The following LRMDA variants were observed in gnomAD, a reference collection of about 807,000 sequenced individuals.
LRMDA encodes leucine-rich melanocyte differentiation-associated protein.
LRMDA carries 18 observed loss-of-function variants against 29.8 expected under a neutral mutation model. The observed-to-expected ratio is 0.60, with a 90% CI of 0.42 to 0.90. The LOEUF (loss-of-function observed/expected upper bound fraction) is 0.90. LRMDA is among the 40% of genes least tolerant of loss of function. The pLI, the probability that LRMDA is intolerant of heterozygous loss-of-function variation, is 0.00. For synonymous variants in LRMDA, 125 were observed against 109.4 expected (o/e 1.14, Z -0.89); for missense variants, 273 against 273.9 (o/e 1.00, Z 0.02).
chr10:76,184,332 C>T (rs934063056), intron 5 of LRMDA, among the ~76,000 whole-genome samples: 3 of 152,086 alleles, frequency 2.0e-5, no homozygotes, highest in Non-Finnish European at 4.4e-5. Flanking sequence ...TACCCGGACC[C>T]GGCCCTACAT....
At chr10:75,787,528 C>T (rs975104934) in intron 2 of LRMDA, among the ~76,000 whole-genome samples, 3 of 152,160 alleles carry the variant, frequency 2.0e-5, no homozygotes, top group African/African-American at 7.2e-5. Flanking sequence ...GTGTGCCAGG[C>T]GTGTCATTTC....
At chr10:76,344,135 A>T (rs747134164) in intron 6 of LRMDA, among the ~76,000 whole-genome samples, 1 of 152,030 alleles carries the variant, frequency 6.6e-6, no homozygotes, top group South Asian at 2.1e-4. Flanking sequence ...TGATTTTTGC[A>T]CTTGGAATTT....
chr10:76,476,489 C>T (rs1350751797), intron 6 of LRMDA, among the ~76,000 whole-genome samples: 1 of 152,170 alleles, frequency 6.6e-6, no homozygotes, highest in Non-Finnish European at 1.5e-5. Flanking sequence ...GAGCTGGTAC[C>T]ATTCCTTCAG....
At chr10:75,999,067 A>G (rs1847518682) in intron 2 of LRMDA, among the ~76,000 whole-genome samples, 1 of 152,230 alleles carries the variant, frequency 6.6e-6, no homozygotes, top group Non-Finnish European at 1.5e-5. Flanking sequence ...AAAAACAGGT[A>G]TGACTTCTGC....
intron 2 of LRMDA, among the ~76,000 whole-genome samples, chr10:75,915,820 C>T (rs1225870284): frequency 2.6e-5 from 4 of 152,094 alleles, no homozygotes; most frequent in African/African-American, 9.7e-5. Context: ...GGGATAGGGT[C>T]AGAATATAAG....
intron 5 of LRMDA, among the ~76,000 whole-genome samples, chr10:76,244,444 A>G (rs980164479): frequency 6.6e-6 from 1 of 152,144 alleles, no homozygotes; most frequent in African/African-American, 2.4e-5. Context: ...AGGACTGTCA[A>G]ATTAGAGGAG....
At chr10:75,835,234 C>G (rs910822533) in intron 2 of LRMDA, among the ~76,000 whole-genome samples, 2 of 152,146 alleles carry the variant, frequency 1.3e-5, no homozygotes, top group Non-Finnish European at 2.9e-5. Flanking sequence ...AATCTGTTTC[C>G]TGTGCATTCC....
At chr10:75,596,958 T>C (rs1397285953) in intron 2 of LRMDA, among the ~76,000 whole-genome samples, 89 of 150,196 alleles carry the variant, frequency 5.9e-4, no homozygotes, top group Middle Eastern at 3.4e-3. Flanking sequence ...TTTCTTTCTT[T>C]TTTTTTTTTT....
At chr10:75,754,310 A>G (rs1271671913) in intron 2 of LRMDA, among the ~76,000 whole-genome samples, 1 of 152,248 alleles carries the variant, frequency 6.6e-6, no homozygotes, top group South Asian at 2.1e-4. Context: ...GCTTGTAGCC[A>G]GGATGCCATG....
At chr10:76,332,650 T>C (rs1310246252) in intron 6 of LRMDA, among the ~76,000 whole-genome samples, 2 of 152,222 alleles carry the variant, frequency 1.3e-5, no homozygotes, top group African/African-American at 2.4e-5. Flanking sequence ...AAGCCTAGAA[T>C]GTACAGGGTG....
rs911667334 is a variant in LRMDA, at chr10:76,317,756, T to C, written c.517-6645T>C. Among the ~76,000 whole-genome samples, 66 of 152,112 alleles carry C rather than the reference T, an allele frequency of 4.3e-4. 3 individuals are homozygous for C. Among genetic ancestry groups the C allele is most frequent in the Non-Finnish European group, 2.8e-4 (19 of 68,024 alleles). ...ACCCAGCTAATTTTTGTACTTTTAGTAGAGACAAGGTTTCACCATATTGGT... is the reference window on the plus strand; with the variant it reads ...ACCCAGCTAATTTTTGTACTTTTAGCAGAGACAAGGTTTCACCATATTGGT... On this transcript the variant is annotated intron_variant, in intron 5 of 6. Coordinates refer to ENST00000611255, the MANE Select transcript of LRMDA (RefSeq NM_001305581.2).
At chr10:76,482,516 A>G (rs902072632) in intron 6 of LRMDA, among the ~76,000 whole-genome samples, 1 of 151,946 alleles carries the variant, frequency 6.6e-6, no homozygotes, top group African/African-American at 2.4e-5. Context: ...TGTTGCATGT[A>G]GCAGAACTTT....
chr10:76,319,525 A>G (rs1249798609), intron 5 of LRMDA, among the ~76,000 whole-genome samples: 2 of 152,120 alleles, frequency 1.3e-5, no homozygotes, highest in East Asian at 1.9e-4. Context: ...TAATCATAGT[A>G]TGTTTTTTTT....
chr10:76,529,480 A>G (rs1452850506), intron 6 of LRMDA, among the ~76,000 whole-genome samples: 1 of 152,138 alleles, frequency 6.6e-6, no homozygotes, highest in African/African-American at 2.4e-5. Context: ...ATTTGCACCC[A>G]AGTTATCTGC....
At chr10:76,518,970 T>G (rs1589222949) in intron 6 of LRMDA, among the ~76,000 whole-genome samples, 1 of 152,260 alleles carries the variant, frequency 6.6e-6, no homozygotes, top group African/African-American at 2.4e-5. Context: ...CTGACTACAA[T>G]AAAATTTTAA....
chr10:76,222,276 A>C (rs183567207), intron 5 of LRMDA, among the ~76,000 whole-genome samples: 10,771 of 152,240 alleles, frequency 0.071, 529 homozygotes, highest in Non-Finnish European at 0.1. Context: ...AATGGGATCT[A>C]ATTAAACTAA....
intron 2 of LRMDA, among the ~76,000 whole-genome samples, chr10:76,001,050 A>G (rs993397312): frequency 6.6e-6 from 1 of 152,144 alleles, no homozygotes; most frequent in Non-Finnish European, 1.5e-5. Flanking sequence ...TGAAGTCAGG[A>G]ATAAAACCCA....
intron 2 of LRMDA, among the ~76,000 whole-genome samples, chr10:75,620,743 T>A (rs1380437867): frequency 6.6e-6 from 1 of 152,278 alleles, no homozygotes; most frequent in African/African-American, 2.4e-5. Flanking sequence ...GAGTTACTCC[T>A]GTAATAATGG....
chr10:76,200,715 T>C (rs1851410619), intron 5 of LRMDA, among the ~76,000 whole-genome samples: 1 of 137,000 alleles, frequency 7.3e-6, no homozygotes, highest in African/African-American at 2.8e-5. Context: ...TTTCTTTTTC[T>C]TTTTTTTTTT....
Sources: gnomAD v4.1 joint callset for allele counts (sites outside exome capture counted in the v4.1 genomes callset) on GRCh38, gnomAD v4.1.1 for gene constraint, MANE v1.5 for transcripts, NCBI Gene and HGNC (gene_info 2026-07-23, HGNC 2026-07-21) for gene names.